The following DNMT3A variants were observed in gnomAD, a reference collection of about 807,000 sequenced individuals.
DNMT3A encodes DNA methyltransferase 3 alpha.
A neutral mutation model predicts 117.6 loss-of-function variants in DNMT3A; 267 were observed. The ratio of observed to expected loss-of-function variants is 2.27; its 90% CI spans 2.05 to 2.51. The LOEUF (loss-of-function observed/expected upper bound fraction) is 2.51. Among genes scored for constraint, DNMT3A ranks in the 30% most tolerant of loss-of-function variants. The pLI, the probability that DNMT3A is intolerant of heterozygous loss-of-function variation, is 0.00. For synonymous variants in DNMT3A, 432 were observed against 474.8 expected (o/e 0.91, Z 1.17); for missense variants, 1,029 against 1,260.2 (o/e 0.82, Z 2.78).
intron 1 of DNMT3A, among the ~76,000 whole-genome samples, chr2:25,321,362 T>C (rs1478176574): frequency 6.6e-6 from 1 of 152,172 alleles, no homozygotes; most frequent in African/African-American, 2.4e-5. Flanking sequence ...CCCATCACAG[T>C]ACTCTCTGCC....
rs563868615 is a variant in DNMT3A, at chr2:25,236,818, T to C, written c.2478+118A>G. 7 of 1,113,734 alleles carry C rather than the reference T, an allele frequency of 6.3e-6. No individual in the cohort carries two copies. The highest frequency in any genetic ancestry group is 1.6e-5 in the African/African-American group (1 of 63,938). 69.0% of individuals were successfully genotyped at this position (1,113,734 alleles called of 1,614,324 possible). A position where few individuals can be genotyped will look rare whatever the true frequency, so the allele number is the denominator to read the frequency against. On this transcript the variant is annotated intron_variant, in intron 21 of 22. Transcript: ENST00000321117. The surrounding 1 kb of genome is among the most constrained non-coding windows in gnomAD (Gnocchi z 4.5). ...GCATGACCCTGCACCGTCTCCTAAA[T>C]TGCATTCTCCACACTAGCTGGAGAA... is the stretch of plus-strand genomic sequence containing the variant.
chr2:25,314,208 C>T, intron 1 of DNMT3A, 47 bp from the exon 2 acceptor site: 1 of 1,399,282 alleles, frequency 7.1e-7, no homozygotes, highest in East Asian at 2.7e-5. Flanking sequence ...CCCCACCCTC[C>T]CTGGGTCAGG....
intron 4 of DNMT3A, among the ~76,000 whole-genome samples, chr2:25,277,147 G>C (rs2031489860): frequency 6.6e-6 from 1 of 152,118 alleles, no homozygotes; most frequent in South Asian, 2.1e-4. Flanking sequence ...TCTTGTCGCG[G>C]GCACCTGTGC....
At position 25,252,043 on chromosome 2, in the gene DNMT3A, C is replaced by A; in HGVS notation, c.640-3791G>T. On this transcript the variant is annotated intron_variant, in intron 6 of 22. Coordinates refer to ENST00000321117, the MANE Select transcript of DNMT3A (RefSeq NM_022552.5). This position sits in a 1 kb window ranked among gnomAD's most constrained non-coding sequence, Gnocchi z 5.5. ...CGGGCCAGCACTAAGTCAGCATCTC[C>A]AGAACTCGGGCCAGGCCGGGACGCC... is the stretch of plus-strand genomic sequence containing the variant. 1.9e-6 allele frequency: 2 copies of A among 1,028,442 alleles called. No individual in the cohort carries two copies. The highest frequency in any genetic ancestry group is 1.4e-6 in the Non-Finnish European group (1 of 727,562). 63.7% of individuals were successfully genotyped at this position (1,028,442 alleles called of 1,614,324 possible).
Position 25,286,030 on chromosome 2 carries a change from C to T in DNMT3A, c.178-3319G>A, listed in dbSNP as rs61064684. 5.8e-3 allele frequency among the ~76,000 whole-genome samples: 883 copies of T among 152,378 alleles called. 25 individuals carry two copies. In the East Asian group the frequency reaches 0.071, roughly 12 times the overall value. On this transcript the variant is annotated intron_variant, in intron 3 of 22. Transcript: ENST00000321117. The surrounding 1 kb of genome is among the most constrained non-coding windows in gnomAD (Gnocchi z 4.3). The stretch of plus-strand genomic sequence containing the variant: ...CTTTTTCATGGCTGCGTCTTCCTTT[C>T]TTCTCATCATTTGCTGCCCTGCAGA...
At chr2:25,239,091 C>A (rs1673678454) in intron 20 of DNMT3A, 39 bp downstream of exon 20, 1 of 1,599,318 alleles carries the variant, frequency 6.3e-7, no homozygotes, top group South Asian at 1.1e-5. Context: ...ACCTGCAGTC[C>A]CAGCCCACAG....
intron 2 of DNMT3A, among the ~76,000 whole-genome samples, chr2:25,309,192 C>T (rs1299667801): frequency 6.6e-6 from 1 of 152,222 alleles, no homozygotes; most frequent in Admixed American, 6.5e-5. Context: ...CCTCCAAGCA[C>T]GGTCACTCAG....
At chr2:25,235,930 C>T in intron 21 of DNMT3A, 105 bp from the exon 22 acceptor site, 1 of 1,050,486 alleles carries the variant, frequency 9.5e-7, no homozygotes, top group South Asian at 1.3e-5. Flanking sequence ...CCTGACAGGG[C>T]CTGGTCCACC....
At chr2:25,314,807 AC>A in intron 1 of DNMT3A, 3 of 659,082 alleles carry the variant, frequency 4.6e-6, no homozygotes, top group Non-Finnish European at 5.6e-6. Flanking sequence ...TCTCTCCCCC[AC>A]CCCATGAACC....
At chr2:25,273,522 G>A (rs1013073027) in intron 6 of DNMT3A, among the ~76,000 whole-genome samples, 5 of 152,154 alleles carry the variant, frequency 3.3e-5, no homozygotes, top group Non-Finnish European at 5.9e-5. Flanking sequence ...AGTGCCCCAC[G>A]TGGTGGCAGT....
Position 25,241,658 on chromosome 2 carries a change from GGCAAT to G in DNMT3A, c.1981_1985del (p.Ile661LeufsTer5). On this transcript the variant is annotated frameshift_variant, in exon 17 of 23. Coordinates refer to ENST00000321117, the MANE Select transcript of DNMT3A (RefSeq NM_022552.5). LOFTEE classifies it high-confidence loss of function. ...TGATGGAGTCCTCACACACCTCCGA[GGCAAT>G]GTAGCGGTCCACCTGAATGCCCAAG... 6.2e-7 allele frequency: 1 copy of G among 1,614,120 alleles called. No individual in the cohort carries two copies. Among genetic ancestry groups the G allele is most frequent in the Non-Finnish European group, 8.5e-7 (1 of 1,180,012 alleles).
In DNMT3A at chr2:25,232,898, G is replaced by A. The variant is rs534641115; in HGVS notation, c.*1381C>T. The A allele has an allele frequency of 3.5e-5, 8 of 229,312 alleles. No individual in the cohort carries two copies. The highest frequency in any genetic ancestry group is 1.2e-4 in the East Asian group (2 of 16,178). The allele number at this position is 229,312 out of a possible 1,614,324, so 14.2% of individuals were successfully genotyped here. A position where few individuals can be genotyped will look rare whatever the true frequency, so the allele number is the denominator to read the frequency against. ...CATCACATTCCAGGGGCCGGGAGCC[G>A]CCTTGTGCACAGAGGGGTGGATGGT... On this transcript the variant is annotated 3_prime_UTR_variant, in exon 23 of 23. Transcript: ENST00000321117. This position sits in a 1 kb window ranked among gnomAD's most constrained non-coding sequence, Gnocchi z 4.1.
At chr2:25,308,999 ACG>A (rs1491299066) in intron 2 of DNMT3A, among the ~76,000 whole-genome samples, 22 of 151,094 alleles carry the variant, frequency 1.5e-4, no homozygotes, top group African/African-American at 2.9e-4. Flanking sequence ...ACACACACAC[ACG>A]CACGCACATG....
Position 25,282,019 on chromosome 2 carries a change from TG to T in DNMT3A, c.448+421del. ...CAACCCCCAGGAACTGCATGGCACG[TG>T]GGAGAGTAAGCAGGCCAGGTAGAGC... On this transcript the variant is annotated intron_variant, in intron 4 of 22. Coordinates refer to ENST00000321117, the MANE Select transcript of DNMT3A (RefSeq NM_022552.5). The surrounding 1 kb of genome is among the most constrained non-coding windows in gnomAD (Gnocchi z 5.2). 9 of 1,129,704 alleles carry T rather than the reference TG, an allele frequency of 8.0e-6. No individual in the cohort carries two copies. Among genetic ancestry groups the T allele is most frequent in the Non-Finnish European group, 9.8e-6 (9 of 918,526 alleles). 70.0% of individuals were successfully genotyped at this position (1,129,704 alleles called of 1,614,324 possible).
rs899357867 is a variant in DNMT3A at position 25,317,329 on chromosome 2, T to C, written c.-177-3168A>G. 3.3e-5 allele frequency among the ~76,000 whole-genome samples: 5 copies of C among 151,774 alleles called. No homozygotes were observed. In the South Asian group the frequency reaches 8.3e-4, roughly 25 times the overall value. ...CTCCCACCTCAGCCTCCCAAAGTGT[T>C]GGGATTCCAAGCATGAGCCACCACA... On this transcript the variant is annotated intron_variant, in intron 1 of 22. Transcript: ENST00000321117.
intron 2 of DNMT3A, among the ~76,000 whole-genome samples, chr2:25,301,285 T>C (rs1349545896): frequency 6.7e-6 from 1 of 148,708 alleles, no homozygotes; most frequent in Non-Finnish European, 1.5e-5. Flanking sequence ...AAAAAGAAAA[T>C]CAAGTGAAAA....
At chr2:25,318,448 G>T (rs1055016479) in intron 1 of DNMT3A, among the ~76,000 whole-genome samples, 1 of 151,914 alleles carries the variant, frequency 6.6e-6, no homozygotes, top group Non-Finnish European at 1.5e-5. Flanking sequence ...CACCACTCCC[G>T]GCTAATTCTT....
chr2:25,252,264 A>G lies in DNMT3A; in HGVS notation c.640-4012T>C. The G allele has an allele frequency of 8.2e-7, 1 of 1,220,490 alleles. No homozygotes were observed. Among genetic ancestry groups the G allele is most frequent in the Admixed American group, 2.9e-5 (1 of 34,386 alleles). 75.6% of individuals were successfully genotyped at this position (1,220,490 alleles called of 1,614,324 possible). A position where few individuals can be genotyped will look rare whatever the true frequency, so the allele number is the denominator to read the frequency against. ...GCCGCGGCCCTGAAGCTCTGGAAGT[A>G]GCTGCCCGTCTTGGGGGAGGGGAAG... is the stretch of plus-strand genomic sequence containing the variant. On this transcript the variant is annotated intron_variant, in intron 6 of 22. Coordinates refer to ENST00000321117, the MANE Select transcript of DNMT3A (RefSeq NM_022552.5). This position sits in a 1 kb window ranked among gnomAD's most constrained non-coding sequence, Gnocchi z 5.5.
At chr2:25,290,227 C>T (rs936238895) in intron 3 of DNMT3A, among the ~76,000 whole-genome samples, 1 of 152,176 alleles carries the variant, frequency 6.6e-6, no homozygotes, top group African/African-American at 2.4e-5. Context: ...TAGCTCCCTG[C>T]AGCCTCAAAT....
Sources: allele counts gnomAD v4.1 joint callset (sites outside exome capture counted in the v4.1 genomes callset), GRCh38; gene constraint gnomAD v4.1.1; non-coding constraint Gnocchi (gnomAD v3.1); transcripts MANE v1.5; gene names NCBI Gene and HGNC (gene_info 2026-07-23, HGNC 2026-07-21).